Variants in CDH6 observed in about 807,000 individuals in gnomAD.
CDH6 encodes the protein cadherin 6.
CDH6 carries 31 observed loss-of-function variants against 78.0 expected under a neutral mutation model. The observed-to-expected ratio is 0.40, with a 90% CI of 0.30 to 0.54. CDH6 has a LOEUF of 0.54. Ranked by LOEUF, CDH6 falls within the 20% of genes least tolerant of loss-of-function variation. The pLI, the probability that CDH6 is intolerant of heterozygous loss-of-function variation, is 0.56. For missense variants in CDH6, 724 were observed against 975.9 expected, an observed-to-expected ratio of 0.74 and a Z score of 3.44; for synonymous variants, 376 against 368.8, an observed-to-expected ratio of 1.02 and a Z score of -0.23.
intron 1 of CDH6, among the ~76,000 whole-genome samples, chr5:31,236,017 C>A (rs1376159479): frequency 6.6e-6 from 1 of 151,952 alleles, no homozygotes; most frequent in Non-Finnish European, 1.5e-5. Context: ...ATAATTTATT[C>A]TTTTTTCCAT....
intron 2 of CDH6, among the ~76,000 whole-genome samples, chr5:31,283,900 C>T (rs1375867068): frequency 6.6e-6 from 1 of 151,926 alleles, no homozygotes; most frequent in East Asian, 1.9e-4. Flanking sequence ...CTGCAACCTC[C>T]GCCTCCTGGG....
At chr5:31,296,785 TC>T (rs35538920) in intron 3 of CDH6, among the ~76,000 whole-genome samples, 44,435 of 152,008 alleles carry the variant, frequency 0.29, 7,090 homozygotes, top group Admixed American at 0.37. Flanking sequence ...TTCTATTCTA[TC>T]CAGCTTTGTC....
Position 31,294,284 on chromosome 5 carries a change from G to T in CDH6, c.523+28G>T. The T allele has an allele frequency of 1.3e-6, 2 of 1,591,442 alleles. No individual in the cohort carries two copies. The highest frequency in any genetic ancestry group is 1.7e-6 in the Non-Finnish European group (2 of 1,168,364). Reference sequence around the variant, plus strand: ...GAGTGAGACGTGACTTCAGCCAAAAGCTGGCTTTCCCCTAGTGCATCCACT... The same window carrying T: ...GAGTGAGACGTGACTTCAGCCAAAATCTGGCTTTCCCCTAGTGCATCCACT... On this transcript the variant is annotated intron_variant, in intron 3 of 11. Coordinates refer to ENST00000265071, the MANE Select transcript of CDH6 (RefSeq NM_004932.4). The surrounding 1 kb of genome is among the most constrained non-coding windows in gnomAD (Gnocchi z 4.1).
intron 1 of CDH6, among the ~76,000 whole-genome samples, chr5:31,226,727 T>G (rs1165057796): frequency 1.3e-5 from 2 of 152,184 alleles, no homozygotes; most frequent in African/African-American, 2.4e-5. Flanking sequence ...CTCTTGAACA[T>G]GAAATGCTTT....
At chr5:31,222,269 T>C (rs545594249) in intron 1 of CDH6, among the ~76,000 whole-genome samples, 1 of 152,324 alleles carries the variant, frequency 6.6e-6, no homozygotes, top group Admixed American at 6.5e-5. Context: ...CATTCCTTAA[T>C]GCCAATTTTT....
intron 1 of CDH6, among the ~76,000 whole-genome samples, chr5:31,233,520 A>AAAAAAC (rs34162275): frequency 0.9 from 135,546 of 149,914 alleles, 61,434 homozygotes; most frequent in Admixed American, 0.94. Flanking sequence ...GTCTCAAAAA[A>AAAAAAC]AAAAAACAAA....
chr5:31,251,439 G>A lies in CDH6; in HGVS notation c.-128-15907G>A, dbSNP rs533932094. 3.9e-5 allele frequency: 6 copies of A among 152,394 alleles called. No individual in the cohort carries two copies. In the East Asian group the frequency reaches 1.2e-3, roughly 29 times the overall value. 9.4% of individuals were successfully genotyped at this position (152,394 alleles called of 1,614,324 possible). On this transcript the variant is annotated intron_variant, in intron 1 of 11. Coordinates refer to ENST00000265071, the MANE Select transcript of CDH6 (RefSeq NM_004932.4). ...AGGGCGAGGACACTAGGTCTAAGGG[G>A]GACAGCTCCACACTTCTTTCCTTCT...
At chr5:31,301,953 G>A (rs916487009) in intron 5 of CDH6, among the ~76,000 whole-genome samples, 158 bp from the exon 6 acceptor site, 1 of 152,192 alleles carries the variant, frequency 6.6e-6, no homozygotes, top group African/African-American at 2.4e-5. Context: ...CACGAAAGTA[G>A]ACATAAGAAG....
intron 2 of CDH6, among the ~76,000 whole-genome samples, chr5:31,279,967 T>C (rs1187309786): frequency 2.0e-5 from 3 of 152,076 alleles, no homozygotes. Flanking sequence ...GAAAATAGAG[T>C]CTTCAAGTCA....
chr5:31,199,041 T>A (rs1416987935), intron 1 of CDH6, among the ~76,000 whole-genome samples: 5 of 152,052 alleles, frequency 3.3e-5, no homozygotes, highest in African/African-American at 1.2e-4. Context: ...TTGTCCTGCA[T>A]GCTAAATAGA....
intron 1 of CDH6, among the ~76,000 whole-genome samples, chr5:31,207,678 T>C (rs952245887): frequency 3.3e-5 from 5 of 152,236 alleles, no homozygotes; most frequent in Admixed American, 6.5e-5. Context: ...CATTAGATGT[T>C]TGTTGAGAGA....
intron 1 of CDH6, among the ~76,000 whole-genome samples, chr5:31,198,794 C>A (rs1740240637): frequency 6.6e-6 from 1 of 152,036 alleles, no homozygotes; most frequent in South Asian, 2.1e-4. Flanking sequence ...TTAAATGCCA[C>A]CTTATAAACA....
rs75993045 is a variant in CDH6, at chr5:31,328,194, T to C, written c.*4886T>C. 2 of 182,932 alleles carry C rather than the reference T, an allele frequency of 1.1e-5. No individual in the cohort carries two copies. The highest frequency in any genetic ancestry group is 4.8e-5 in the African/African-American group (2 of 41,918). 11.3% of individuals were successfully genotyped at this position (182,932 alleles called of 1,614,324 possible). On this transcript the variant is annotated 3_prime_UTR_variant, in exon 12 of 12. Transcript: ENST00000265071. Reference sequence around the variant, plus strand: ...TAATTCCTTTTTTTTTTTTTTTTTTTTTCAAAAACCCATGAACCACAAACT... The same window carrying C: ...TAATTCCTTTTTTTTTTTTTTTTTTCTTCAAAAACCCATGAACCACAAACT...
chr5:31,318,283 G>T (rs1320740502), intron 11 of CDH6: 1 of 520,232 alleles, frequency 1.9e-6, no homozygotes, highest in Admixed American at 3.2e-5. Flanking sequence ...GTCTGGCATG[G>T]AGTGTATGAT....
chr5:31,326,953 C>CA lies in CDH6; in HGVS notation c.*3648dup, dbSNP rs1355670952. On this transcript the variant is annotated 3_prime_UTR_variant, in exon 12 of 12. Transcript: ENST00000265071. ...TCGTGGTCCGCCCGCCTCGGCCTCC[C>CA]AAAGTGCTGGGATTACAGGCGTGAG... is the stretch of plus-strand genomic sequence containing the variant. The CA allele has an allele frequency of 6.1e-6, 1 of 164,314 alleles. No individual in the cohort carries two copies. Among genetic ancestry groups the CA allele is most frequent in the East Asian group, 1.3e-4 (1 of 7,722 alleles). 10.2% of individuals were successfully genotyped at this position (164,314 alleles called of 1,614,324 possible).
intron 1 of CDH6, among the ~76,000 whole-genome samples, chr5:31,248,926 C>T (rs955326445): frequency 4.6e-5 from 7 of 152,130 alleles, no homozygotes; most frequent in Admixed American, 2.0e-4. Flanking sequence ...TTAGTCTCCC[C>T]CTTCATCCCC....
intron 1 of CDH6, 50 bp downstream of exon 1, chr5:31,193,936 T>TA (rs1318241106): frequency 6.6e-6 from 1 of 150,824 alleles, no homozygotes; most frequent in South Asian, 2.0e-4. Context: ...TTTTTTTTTT[T>TA]AATTCTGTAG....
At chr5:31,273,601 A>G (rs754316266) in intron 2 of CDH6, among the ~76,000 whole-genome samples, 7 of 152,186 alleles carry the variant, frequency 4.6e-5, no homozygotes, top group Non-Finnish European at 1.0e-4. Flanking sequence ...CCTCGCCTGT[A>G]TGTCCACTTT....
chr5:31,322,770 C>T (rs763221542), intron 11 of CDH6, 48 bp from the exon 12 acceptor site: 1 of 1,563,180 alleles, frequency 6.4e-7, no homozygotes, highest in South Asian at 1.2e-5. Flanking sequence ...ATTAATTGGG[C>T]AGCAAATTAA....
Sources: gnomAD v4.1 joint callset for allele counts (sites outside exome capture counted in the v4.1 genomes callset) on GRCh38, gnomAD v4.1.1 for gene constraint, Gnocchi (gnomAD v3.1) non-coding constraint, MANE v1.5 for transcripts, NCBI Gene and HGNC (gene_info 2026-07-23, HGNC 2026-07-21) for gene names.